Variants in GRIK1 observed in about 807,000 individuals in gnomAD.
GRIK1 encodes glutamate receptor ionotropic, kainate 1.
Under a neutral mutation model 105.7 loss-of-function variants are expected in GRIK1, and 69 were observed. The ratio of observed to expected loss-of-function variants is 0.65; its 90% CI spans 0.54 to 0.80. The LOEUF (loss-of-function observed/expected upper bound fraction) is 0.80. GRIK1 is among the 30% of genes least tolerant of loss of function. GRIK1 has a pLI of 0.00. For missense variants in GRIK1, 1,109 were observed against 1,167.3 expected (o/e 0.95, Z 0.73); for synonymous variants, 438 against 431.3 (o/e 1.02, Z -0.19).
At chr21:29,597,326 A>T (rs2061434485) in intron 8 of GRIK1, among the ~76,000 whole-genome samples, 1 of 152,234 alleles carries the variant, frequency 6.6e-6, no homozygotes, top group South Asian at 2.1e-4. Flanking sequence ...AAAAACACCA[A>T]TGCAATGTGC....
At position 29,689,998 on chromosome 21, in the gene GRIK1, G is replaced by A. The variant is rs2063556806; in HGVS notation, c.287-13C>T. 2 of 1,448,964 alleles carry A rather than the reference G, an allele frequency of 1.4e-6. No homozygotes were observed. Among genetic ancestry groups the A allele is most frequent in the African/African-American group, 1.4e-5 (1 of 70,878 alleles). 89.8% of individuals were successfully genotyped at this position (1,448,964 alleles called of 1,614,324 possible). ...AGCTGGTCACATGCTGATGCCCAAG[G>A]ACAAGGAGAGGATGGGGAGGGAGGG... On this transcript the variant is annotated splice_polypyrimidine_tract_variant and intron_variant, in intron 2 of 17. Coordinates refer to ENST00000327783, the MANE Select transcript of GRIK1 (RefSeq NM_001330994.2).
chr21:29,735,011 C>T (rs1418887447), intron 1 of GRIK1, among the ~76,000 whole-genome samples: 1 of 152,186 alleles, frequency 6.6e-6, no homozygotes, highest in East Asian at 1.9e-4. Flanking sequence ...CTATCCAAGT[C>T]AGAGCACACT....
chr21:29,678,743 C>A (rs1186481688), intron 3 of GRIK1, among the ~76,000 whole-genome samples: 1 of 152,114 alleles, frequency 6.6e-6, no homozygotes. Flanking sequence ...GAGCACATAG[C>A]AGAAGAGTTT....
At chr21:29,654,036 C>T (rs1053445870) in intron 5 of GRIK1, among the ~76,000 whole-genome samples, 3 of 152,170 alleles carry the variant, frequency 2.0e-5, no homozygotes, top group South Asian at 2.1e-4. Context: ...ACTGACCCCC[C>T]CAGAATCCAG....
intron 1 of GRIK1, among the ~76,000 whole-genome samples, chr21:29,888,930 C>T (rs1482771635): frequency 6.6e-6 from 1 of 152,106 alleles, no homozygotes; most frequent in Non-Finnish European, 1.5e-5. Flanking sequence ...TAAATGGCAA[C>T]ACAAAATATT....
chr21:29,897,866 A>T (rs2070229937), intron 1 of GRIK1, among the ~76,000 whole-genome samples: 1 of 152,254 alleles, frequency 6.6e-6, no homozygotes, highest in African/African-American at 2.4e-5. Flanking sequence ...AACAAGACTG[A>T]CAAAGTCATT....
At chr21:29,678,633 A>C (rs1439477517) in intron 3 of GRIK1, among the ~76,000 whole-genome samples, 1 of 152,194 alleles carries the variant, frequency 6.6e-6, no homozygotes, top group East Asian at 1.9e-4. Flanking sequence ...GGTAGAAAAA[A>C]GTGAGTACAG....
At chr21:29,877,322 G>A (rs914754649) in intron 1 of GRIK1, among the ~76,000 whole-genome samples, 1 of 152,096 alleles carries the variant, frequency 6.6e-6, no homozygotes, top group Non-Finnish European at 1.5e-5. Context: ...ATCTATTGCA[G>A]AGTGGCCTTT....
At chr21:29,693,341 G>A (rs2063622132) in intron 2 of GRIK1, among the ~76,000 whole-genome samples, 1 of 152,194 alleles carries the variant, frequency 6.6e-6, no homozygotes, top group Admixed American at 6.5e-5. Flanking sequence ...TTTTAGGCTA[G>A]GCACTTGGCT....
In GRIK1 at chr21:29,685,173, T is replaced by TA. The variant is rs759223635; in HGVS notation, c.544+4554dup. 6.6e-5 allele frequency among the ~76,000 whole-genome samples: 10 copies of TA among 152,320 alleles called. No individual in the cohort carries two copies. The East Asian group carries it at 1.2e-3, about 18-fold the overall frequency. On this transcript the variant is annotated intron_variant, in intron 3 of 17. Coordinates refer to ENST00000327783, the MANE Select transcript of GRIK1 (RefSeq NM_001330994.2). ...ATTTTCTAAACAAAGCAATCTTTTT[T>TA]AAAAAACTATATAAAAATAAAACTT... is the stretch of plus-strand genomic sequence containing the variant.
At position 29,939,643 on chromosome 21, in the gene GRIK1, G is replaced by T; in HGVS notation, c.-143C>A. ...TGCGCGCTCCCCACGGAGCGAGCTC[G>T]AGGGAACCCGCGTGGGACCGCGGAG... On this transcript the variant is annotated 5_prime_UTR_variant, in exon 1 of 18. Coordinates refer to ENST00000327783, the MANE Select transcript of GRIK1 (RefSeq NM_001330994.2). 1.8e-6 allele frequency: 1 copy of T among 556,858 alleles called. No individual in the cohort carries two copies. Among genetic ancestry groups the T allele is most frequent in the Non-Finnish European group, 3.1e-6 (1 of 323,584 alleles). The allele number at this position is 556,858 out of a possible 1,614,324, so 34.5% of individuals were successfully genotyped here.
At chr21:29,723,057 A>G (rs2064361970) in intron 1 of GRIK1, among the ~76,000 whole-genome samples, 1 of 152,180 alleles carries the variant, frequency 6.6e-6, no homozygotes, top group South Asian at 2.1e-4. Flanking sequence ...TAGCTGACAT[A>G]CCTGTAATCC....
chr21:29,836,921 A>G (rs2067824157), intron 1 of GRIK1, among the ~76,000 whole-genome samples: 1 of 152,206 alleles, frequency 6.6e-6, no homozygotes. Flanking sequence ...ATTATGCTTT[A>G]GATATTGCCC....
chr21:29,673,048 T>C lies in GRIK1; in HGVS notation c.661A>G (p.Lys221Glu), dbSNP rs751533357. 13 of 1,613,362 alleles carry C rather than the reference T, an allele frequency of 8.1e-6. No homozygotes were observed. Residue 221 changes from lysine (K) to glutamate (E), a missense_variant, in exon 4 of 18, where the codon AAA (lysine) becomes GAA (glutamate). Physicochemically the swap from Lys to Glu is moderately conservative, Grantham distance 56 (BLOSUM62 1). Transcript: ENST00000327783. ...DAKPLLKEMK[K>E]GKEFYVIFDC... ...AATATCACATAGAACTCCTTGCCTTTCTTCATCTCCTTGAGTAAAGGCTTG... is the reference window on the plus strand; with the variant it reads ...AATATCACATAGAACTCCTTGCCTTCCTTCATCTCCTTGAGTAAAGGCTTG...
At chr21:29,582,401 G>A in intron 12 of GRIK1, 1 of 456,368 alleles carries the variant, frequency 2.2e-6, no homozygotes, top group Non-Finnish European at 4.5e-6. Context: ...CTGCAAGGTG[G>A]TGCGCTATGG....
At chr21:29,846,380 C>T (rs1451821574) in intron 1 of GRIK1, among the ~76,000 whole-genome samples, 1 of 102,320 alleles carries the variant, frequency 9.8e-6, no homozygotes, top group Non-Finnish European at 2.1e-5. Context: ...AAGAGAGAAA[C>T]TCAGTCAAAA....
At chr21:29,800,486 G>A (rs1022363734) in intron 1 of GRIK1, among the ~76,000 whole-genome samples, 3 of 152,184 alleles carry the variant, frequency 2.0e-5, no homozygotes, top group Admixed American at 6.5e-5. Context: ...GGACTATAGC[G>A]AGAGTATGTA....
chr21:29,884,984 AC>A (rs780652129), intron 1 of GRIK1, among the ~76,000 whole-genome samples: 3 of 152,086 alleles, frequency 2.0e-5, no homozygotes. Context: ...CCCAAATGAA[AC>A]ATTTCAATAT....
At chr21:29,621,006 T>C (rs2061989710) in intron 7 of GRIK1, among the ~76,000 whole-genome samples, 1 of 151,376 alleles carries the variant, frequency 6.6e-6, no homozygotes, top group African/African-American at 2.4e-5. Context: ...TATATTGCTC[T>C]AGGAAAATAA....
Sources: allele counts gnomAD v4.1 joint callset (sites outside exome capture counted in the v4.1 genomes callset), GRCh38; gene constraint gnomAD v4.1.1; transcripts MANE v1.5; gene names NCBI Gene and HGNC (gene_info 2026-07-23, HGNC 2026-07-21).